Variants in PCDHA13 observed in about 807,000 individuals in gnomAD.
PCDHA13 encodes the protein protocadherin alpha-13.
A neutral mutation model predicts 64.8 loss-of-function variants in PCDHA13; 54 were observed. The ratio of observed to expected loss-of-function variants is 0.83; its 90% CI spans 0.67 to 1.04. PCDHA13 has a LOEUF of 1.04. PCDHA13 is among the 50% of genes least tolerant of loss of function. The pLI is 0.00. For missense variants in PCDHA13, 1,248 were observed against 1,254.3 expected (o/e 0.99, Z 0.08); for synonymous variants, 587 against 564.4 (o/e 1.04, Z -0.57).
intron 1 of PCDHA13, chr5:140,967,430 T>C (rs1554229552): frequency 1.2e-6 from 2 of 1,613,482 alleles, no homozygotes; most frequent in East Asian, 4.5e-5. Context: ...GCAGGCAGCC[T>C]TGCACCACCT....
In PCDHA13 at chr5:140,958,013, G is replaced by A. The variant is rs553596138; in HGVS notation, c.2395-20936G>A. 2.6e-5 allele frequency among the ~76,000 whole-genome samples: 4 copies of A among 152,110 alleles called. No individual in the cohort carries two copies. In the South Asian group the frequency reaches 8.3e-4, roughly 32 times the overall value. On this transcript the variant is annotated intron_variant, in intron 1 of 3. Coordinates refer to ENST00000289272, the MANE Select transcript of PCDHA13 (RefSeq NM_018904.3). ...CAGATTTTTTGTTTCAATTCTATCA[G>A]CCAAGTATACTATGCTTTCTTTGCT...
At chr5:140,914,615 A>G (rs573524299) in intron 1 of PCDHA13, among the ~76,000 whole-genome samples, 12 of 151,836 alleles carry the variant, frequency 7.9e-5, no homozygotes, top group African/African-American at 2.9e-4. Context: ...GCCATTTTGT[A>G]ATTTGTTTTC....
In PCDHA13 at chr5:140,969,495, C is replaced by T. The variant is rs1205771172; in HGVS notation, c.2395-9454C>T. On this transcript the variant is annotated intron_variant, in intron 1 of 3. Transcript: ENST00000289272. The stretch of plus-strand genomic sequence containing the variant: ...TTGATCATAATCTGCTATTTCCTCT[C>T]TAGAAAAATAGCACTAAAGAATTGT... 10 of 1,437,770 alleles carry T rather than the reference C, an allele frequency of 7.0e-6. No homozygotes were observed. The African/African-American group carries it at 7.2e-5, about 10-fold the overall frequency. The allele number at this position is 1,437,770 out of a possible 1,614,324, so 89.1% of individuals were successfully genotyped here. A position where few individuals can be genotyped will look rare whatever the true frequency, so the allele number is the denominator to read the frequency against.
rs782469778 is a variant in PCDHA13 at position 140,882,968 on chromosome 5, G to A, written c.700G>A (p.Asp234Asn). The A allele has an allele frequency of 3.7e-6, 6 of 1,614,028 alleles. No homozygotes were observed. The African/African-American group carries it at 8.0e-5, about 22-fold the overall frequency. ...AGTTCAGCTGCTCATCACGATTCTGGACGTGAATGACAACGCCCCGGAATT... is the reference window on the plus strand; with the variant it reads ...AGTTCAGCTGCTCATCACGATTCTGAACGTGAATGACAACGCCCCGGAATT... Reference protein sequence around the residue: ...GTVQLLITILDVNDNAPEFYQ... With the variant: ...GTVQLLITILNVNDNAPEFYQ... Residue 234 changes from aspartate (D) to asparagine (N), a missense_variant, in exon 1 of 4, where the codon GAC becomes AAC. By Grantham distance (23) the Asp-to-Asn change is conservative (BLOSUM62 1). Transcript: ENST00000289272.
chr5:140,891,122 G>T (rs572236105), intron 1 of PCDHA13, among the ~76,000 whole-genome samples: 1 of 152,256 alleles, frequency 6.6e-6, no homozygotes, highest in East Asian at 1.9e-4. Context: ...CAATCTAAAT[G>T]TCATTCCTTT....
intron 1 of PCDHA13, chr5:140,927,653 G>A: frequency 6.2e-7 from 1 of 1,614,190 alleles, no homozygotes; most frequent in Non-Finnish European, 8.5e-7. Context: ...GTGTTATTCC[G>A]AGTTCAAGCC....
intron 1 of PCDHA13, chr5:140,966,584 G>C (rs1227691524): frequency 7.4e-6 from 4 of 541,586 alleles, no homozygotes; most frequent in African/African-American, 6.0e-5. Context: ...CAGCGAGGAC[G>C]GTGGGGCCAG....
intron 1 of PCDHA13, among the ~76,000 whole-genome samples, chr5:140,923,228 CCAGAA>C (rs2081257346): frequency 1.4e-5 from 1 of 71,808 alleles, no homozygotes; most frequent in Admixed American, 1.5e-4. Flanking sequence ...TCGTTTGAGC[CCAGAA>C]GTTTGAGACC....
intron 1 of PCDHA13, chr5:140,966,989 G>A: frequency 5.0e-6 from 8 of 1,604,148 alleles, no homozygotes; most frequent in Non-Finnish European, 6.8e-6. Context: ...CTTGGGGCCG[G>A]GTTGCTTGCG....
intron 3 of PCDHA13, among the ~76,000 whole-genome samples, chr5:140,985,879 A>G (rs539308826): frequency 6.6e-6 from 1 of 151,504 alleles, no homozygotes; most frequent in Non-Finnish European, 1.5e-5. Context: ...AGCTGGGACT[A>G]CAGGCGCCCG....
chr5:140,937,599 A>T (rs2091614434), intron 1 of PCDHA13, among the ~76,000 whole-genome samples: 3 of 151,728 alleles, frequency 2.0e-5, no homozygotes, highest in African/African-American at 7.3e-5. Context: ...CCTGGGCAAC[A>T]GAGTGATACT....
chr5:140,884,577 T>C lies in PCDHA13; in HGVS notation c.2309T>C (p.Met770Thr), dbSNP rs2060274481. Residue 770 changes from methionine to threonine, a missense_variant, in exon 1 of 4, where the codon ATG becomes ACG. By Grantham distance (81) the Met-to-Thr change is moderately conservative (BLOSUM62 -1). Transcript: ENST00000289272. ...GAGGGCCCGCATAAGACGGACCTCATGGCCTTCAGTCCCAGCCTTCCTCCT... is the reference window on the plus strand; with the variant it reads ...GAGGGCCCGCATAAGACGGACCTCACGGCCTTCAGTCCCAGCCTTCCTCCT... The part of the protein sequence containing the change: ...SGEGPHKTDL[M>T]AFSPSLPPCL... 2 of 1,614,230 alleles carry C rather than the reference T, an allele frequency of 1.2e-6. No homozygotes were observed. The highest frequency in any genetic ancestry group is 4.5e-5 in the East Asian group (2 of 44,884).
At chr5:140,954,807 T>TGAAAATGCTTTAGGCACTTTTGTC (rs2095090008) in intron 1 of PCDHA13, among the ~76,000 whole-genome samples, 1 of 152,248 alleles carries the variant, frequency 6.6e-6, no homozygotes, top group Admixed American at 6.5e-5. Flanking sequence ...TTGCTTTTGT[T>TGAAAATGCTTTAGGCACTTTTGTC]GAAATTGCTT....
At chr5:140,928,061 C>T (rs2084900711) in intron 1 of PCDHA13, 1 of 1,614,192 alleles carries the variant, frequency 6.2e-7, no homozygotes, top group African/African-American at 1.3e-5. Flanking sequence ...CTGACGGCTT[C>T]CTTTGACAAC....
At chr5:140,984,408 T>G (rs1394037702) in intron 3 of PCDHA13, among the ~76,000 whole-genome samples, 2 of 152,200 alleles carry the variant, frequency 1.3e-5, no homozygotes, top group African/African-American at 2.4e-5. Flanking sequence ...AACCTATCTT[T>G]TTTACAGAGA....
intron 1 of PCDHA13, among the ~76,000 whole-genome samples, chr5:140,972,609 A>G (rs1344399252): frequency 1.3e-5 from 2 of 151,526 alleles, no homozygotes; most frequent in Non-Finnish European, 2.9e-5. Flanking sequence ...TCTGAACTTG[A>G]TACTGAATGT....
At position 140,916,547 on chromosome 5, in the gene PCDHA13, T is replaced by A. The variant is rs541671578; in HGVS notation, c.2394+31885T>A. On this transcript the variant is annotated intron_variant, in intron 1 of 3. Transcript: ENST00000289272. ...TCCTTCCCACCAAGGCAATGGGTTT[T>A]CTATTTGTCCAGGGTGTGTCTAGAA... Among the ~76,000 whole-genome samples the A allele has an allele frequency of 2.0e-4, 31 of 152,324 alleles. 1 individual carries two copies. Among genetic ancestry groups the A allele is most frequent in the Non-Finnish European group, 3.4e-4 (23 of 68,020 alleles).
At chr5:140,908,226 T>A (rs1488573035) in intron 1 of PCDHA13, among the ~76,000 whole-genome samples, 1 of 152,140 alleles carries the variant, frequency 6.6e-6, no homozygotes, top group Non-Finnish European at 1.5e-5. Flanking sequence ...GAACCAGTCC[T>A]TAGTCTTCTC....
At chr5:140,908,019 G>A (rs1031093375) in intron 1 of PCDHA13, among the ~76,000 whole-genome samples, 1 of 152,122 alleles carries the variant, frequency 6.6e-6, no homozygotes, top group Non-Finnish European at 1.5e-5. Context: ...ACTGGCTACA[G>A]CCCATTAATC....
Sources: gnomAD v4.1 joint callset for allele counts (sites outside exome capture counted in the v4.1 genomes callset) on GRCh38, gnomAD v4.1.1 for gene constraint, MANE v1.5 for transcripts, NCBI Gene and HGNC (gene_info 2026-07-23, HGNC 2026-07-21) for gene names.